The following ADGB variants were observed in gnomAD, a reference collection of about 807,000 sequenced individuals.
ADGB encodes the protein calpain-7-like protein.
Under a neutral mutation model 210.5 loss-of-function variants are expected in ADGB, and 172 were observed. That is an observed-to-expected ratio of 0.82 (90% CI 0.72 to 0.93). ADGB has a LOEUF of 0.93. Among genes scored for constraint, ADGB ranks in the 40% least tolerant of loss-of-function variants. The probability of loss-of-function intolerance (pLI) is 0.00; values close to 1 mark genes in which losing one functional copy is unlikely to be tolerated. For missense variants in ADGB, 2,025 were observed against 1,964.8 expected (o/e 1.03, Z -0.58); for synonymous variants, 658 against 662.7 (o/e 0.99, Z 0.11).
In ADGB at chr6:146,599,125, T is replaced by C; in HGVS notation, c.74+11T>C. ...GGATAAATCGAAAGAGTAAGGGACC[T>C]CTGCCTGTCCGTCCCTCCCCTGGCC... On this transcript the variant is annotated intron_variant, in intron 1 of 35. Transcript: ENST00000397944. 6.4e-7 allele frequency: 1 copy of C among 1,550,476 alleles called. No individual in the cohort carries two copies. The highest frequency in any genetic ancestry group is 8.7e-7 in the Non-Finnish European group (1 of 1,145,850).
At chr6:146,649,978 T>C (rs920860558) in intron 3 of ADGB, among the ~76,000 whole-genome samples, 1 of 152,144 alleles carries the variant, frequency 6.6e-6, no homozygotes, top group Non-Finnish European at 1.5e-5. Context: ...ATGTATTATA[T>C]ATGTACACAC....
chr6:146,652,124 A>G (rs1476757801), intron 3 of ADGB, among the ~76,000 whole-genome samples: 1 of 152,184 alleles, frequency 6.6e-6, no homozygotes, highest in Non-Finnish European at 1.5e-5. Context: ...TATAGGCAGT[A>G]AAAGTGTGAA....
Position 146,676,434 on chromosome 6 carries a change from A to G in ADGB, c.1209A>G (p.Leu403=), listed in dbSNP as rs747127312. 2.8e-6 allele frequency: 4 copies of G among 1,414,490 alleles called. No individual in the cohort carries two copies. The highest frequency in any genetic ancestry group is 1.7e-5 in the South Asian group (1 of 58,888). The allele number at this position is 1,414,490 out of a possible 1,614,324, so 87.6% of individuals were successfully genotyped here. The change falls in exon 9 of 36, where the codon CTA becomes CTG. Residue 403 remains leucine (L), a synonymous_variant. Transcript: ENST00000397944. ...SSEVQYSVQS[L]SDCSSAIQTS... is the part of the protein sequence containing the mutation. ...AAGTGCAGTACTCTGTGCAGTCCCTATCAGATTGTAAGCTCCTAATTTCTT... is the reference window on the plus strand; with the variant it reads ...AAGTGCAGTACTCTGTGCAGTCCCTGTCAGATTGTAAGCTCCTAATTTCTT...
chr6:146,766,801 G>T (rs1281207786), intron 28 of ADGB, among the ~76,000 whole-genome samples: 1 of 152,084 alleles, frequency 6.6e-6, no homozygotes, highest in Non-Finnish European at 1.5e-5. Context: ...GGAATAAAAT[G>T]TATTTATAAA....
intron 11 of ADGB, 125 bp downstream of exon 11, chr6:146,691,415 T>TATATATATATATATATATAAAA (rs1776306591): frequency 5.4e-5 from 1 of 18,662 alleles, no homozygotes; most frequent in Non-Finnish European, 8.6e-5. Flanking sequence ...ATGTTTAATA[T>TATATATATATATATATATAAAA]ATATATATAT....
At chr6:146,628,430 T>C (rs926813367) in intron 1 of ADGB, among the ~76,000 whole-genome samples, 1 of 152,068 alleles carries the variant, frequency 6.6e-6, no homozygotes, top group Non-Finnish European at 1.5e-5. Context: ...AAATAATATA[T>C]ATCTAAGAAT....
At chr6:146,685,322 T>C (rs1360443773) in intron 9 of ADGB, among the ~76,000 whole-genome samples, 3 of 152,044 alleles carry the variant, frequency 2.0e-5, no homozygotes, top group Admixed American at 1.3e-4. Context: ...CAAAATGACA[T>C]AGAAGCTCCT....
At chr6:146,777,377 A>C (rs770787710) in intron 29 of ADGB, among the ~76,000 whole-genome samples, 4 of 152,048 alleles carry the variant, frequency 2.6e-5, no homozygotes, top group Non-Finnish European at 5.9e-5. Flanking sequence ...TTATTTAAAT[A>C]TTTTCCCCTC....
chr6:146,685,792 T>C lies in ADGB; in HGVS notation c.1275T>C (p.Tyr425=). The C allele has an allele frequency of 6.5e-7, 1 of 1,541,716 alleles. No homozygotes were observed. The highest frequency in any genetic ancestry group is 8.8e-7 in the Non-Finnish European group (1 of 1,142,644). The change falls in exon 10 of 36, where the codon TAT becomes TAC. Residue 425 remains tyrosine (Y), a synonymous_variant. Transcript: ENST00000397944. Reference sequence around the variant, plus strand: ...TATATGCGACATTTACACCTCTTTATTTGTTTGAAAACAAGATCTTTTCAT... The same window carrying C: ...TATATGCGACATTTACACCTCTTTACTTGTTTGAAAACAAGATCTTTTCAT... The part of the protein sequence containing the change: ...MVVYATFTPL[Y]LFENKIFSLE...
chr6:146,701,524 A>G (rs1177314963), intron 13 of ADGB, among the ~76,000 whole-genome samples: 3 of 152,006 alleles, frequency 2.0e-5, no homozygotes, highest in Non-Finnish European at 4.4e-5. Context: ...CTTTCTCACT[A>G]TTCTTGCTTT....
intron 17 of ADGB, among the ~76,000 whole-genome samples, chr6:146,721,819 CA>C (rs1776821028): frequency 6.6e-6 from 1 of 152,114 alleles, no homozygotes; most frequent in South Asian, 2.1e-4. Context: ...ACCTGGGCAA[CA>C]AGAGTGAAAC....
At chr6:146,760,633 T>C (rs867790972) in intron 27 of ADGB, among the ~76,000 whole-genome samples, 2 of 152,032 alleles carry the variant, frequency 1.3e-5, no homozygotes, top group Middle Eastern at 3.4e-3. Context: ...AGGAGTTGAA[T>C]TAGTATGTCA....
At chr6:146,687,241 GCCTCTCCC>G (rs1210106781) in intron 10 of ADGB, among the ~76,000 whole-genome samples, 1 of 152,056 alleles carries the variant, frequency 6.6e-6, no homozygotes, top group Non-Finnish European at 1.5e-5. Context: ...TACTTCTAAA[GCCTCTCCC>G]AAGTCAAGCC....
At chr6:146,656,496 C>T (rs757033316) in intron 4 of ADGB, among the ~76,000 whole-genome samples, 8 of 152,088 alleles carry the variant, frequency 5.3e-5, no homozygotes, top group Admixed American at 1.3e-4. Context: ...AAATAGAAGT[C>T]GTGCCAAATC....
At chr6:146,640,370 T>G (rs1205663106) in intron 2 of ADGB, among the ~76,000 whole-genome samples, 1 of 151,836 alleles carries the variant, frequency 6.6e-6, no homozygotes, top group Non-Finnish European at 1.5e-5. Flanking sequence ...GAAACTCTTC[T>G]AAAAAGTTGA....
At chr6:146,670,521 G>C (rs182025606) in intron 7 of ADGB, among the ~76,000 whole-genome samples, 153 of 152,236 alleles carry the variant, frequency 1.0e-3, no homozygotes, top group African/African-American at 3.6e-3. Flanking sequence ...CACAACGCCT[G>C]GGTTTCACCA....
intron 13 of ADGB, among the ~76,000 whole-genome samples, chr6:146,708,632 C>G (rs1009759397): frequency 1.3e-5 from 2 of 152,022 alleles, no homozygotes; most frequent in African/African-American, 4.8e-5. Flanking sequence ...TTTCAGAATC[C>G]TCTCTTTGTC....
chr6:146,656,605 A>G (rs1775784897), intron 4 of ADGB, among the ~76,000 whole-genome samples, 166 bp from the exon 5 acceptor site: 1 of 152,232 alleles, frequency 6.6e-6, no homozygotes, highest in Non-Finnish European at 1.5e-5. Flanking sequence ...AAACAAAAGC[A>G]AGACCTATAA....
At chr6:146,743,330 T>C (rs896361576) in intron 25 of ADGB, among the ~76,000 whole-genome samples, 2 of 152,202 alleles carry the variant, frequency 1.3e-5, no homozygotes, top group Non-Finnish European at 2.9e-5. Context: ...CTTTAAAGAA[T>C]ATTTGGTTGA....
Sources: gnomAD v4.1 joint callset for allele counts (sites outside exome capture counted in the v4.1 genomes callset) on GRCh38, gnomAD v4.1.1 for gene constraint, MANE v1.5 for transcripts, NCBI Gene and HGNC (gene_info 2026-07-23, HGNC 2026-07-21) for gene names.